The following XRCC4 variants were observed in gnomAD, a reference collection of about 807,000 sequenced individuals.
XRCC4 encodes DNA repair protein XRCC4.
In XRCC4, 28 loss-of-function variants were observed where a neutral mutation model predicts 39.1. The observed-to-expected ratio is 0.72, with a 90% CI of 0.53 to 0.98. The LOEUF (loss-of-function observed/expected upper bound fraction) is 0.98. XRCC4 is among the 50% of genes least tolerant of loss of function. XRCC4 has a pLI of 0.00. For synonymous variants in XRCC4, 123 were observed against 126.4 expected (o/e 0.97, Z 0.18); for missense variants, 350 against 376.4 (o/e 0.93, Z 0.58).
chr5:83,209,872 G>A (rs148998955), intron 6 of XRCC4, among the ~76,000 whole-genome samples: 2 of 152,122 alleles, frequency 1.3e-5, no homozygotes, highest in Non-Finnish European at 2.9e-5. Flanking sequence ...AATATAATAA[G>A]CTTTCCTACC....
chr5:83,281,958 C>T (rs996409351), intron 7 of XRCC4, among the ~76,000 whole-genome samples: 4 of 152,198 alleles, frequency 2.6e-5, no homozygotes, highest in Non-Finnish European at 4.4e-5. Flanking sequence ...ACAAAAAGCT[C>T]ATCCATTAGT....
chr5:83,140,074 T>TA (rs1748093106), intron 3 of XRCC4, among the ~76,000 whole-genome samples: 1 of 152,212 alleles, frequency 6.6e-6, no homozygotes, highest in Non-Finnish European at 1.5e-5. Context: ...TTCTCAGTCC[T>TA]AGTATGCATG....
At chr5:83,172,741 A>G (rs1399106492) in intron 3 of XRCC4, among the ~76,000 whole-genome samples, 2 of 152,188 alleles carry the variant, frequency 1.3e-5, no homozygotes, top group East Asian at 1.9e-4. Context: ...AGAGGAAATC[A>G]TTTAATTCAA....
At chr5:83,303,749 A>G (rs1465416298) in intron 7 of XRCC4, among the ~76,000 whole-genome samples, 2 of 152,204 alleles carry the variant, frequency 1.3e-5, no homozygotes, top group African/African-American at 4.8e-5. Flanking sequence ...TATTTAGGTA[A>G]TGTTATATGG....
At chr5:83,344,770 A>T (rs1165842670) in intron 7 of XRCC4, among the ~76,000 whole-genome samples, 1 of 152,176 alleles carries the variant, frequency 6.6e-6, no homozygotes, top group Non-Finnish European at 1.5e-5. Flanking sequence ...GAATGTACCT[A>T]TGAGTAGAAT....
intron 3 of XRCC4, among the ~76,000 whole-genome samples, chr5:83,141,512 A>G (rs1047744709): frequency 1.3e-5 from 2 of 152,158 alleles, no homozygotes; most frequent in Non-Finnish European, 2.9e-5. Flanking sequence ...GATAGGTGAG[A>G]AATTATATCT....
At chr5:83,169,268 G>T (rs1400963294) in intron 3 of XRCC4, among the ~76,000 whole-genome samples, 1 of 151,662 alleles carries the variant, frequency 6.6e-6, no homozygotes, top group South Asian at 2.1e-4. Flanking sequence ...TGAAATTATA[G>T]ATTCTTTTAT....
intron 7 of XRCC4, among the ~76,000 whole-genome samples, chr5:83,332,987 A>G (rs1467780863): frequency 1.3e-5 from 2 of 152,222 alleles, no homozygotes; most frequent in African/African-American, 4.8e-5. Flanking sequence ...TGTGACAATT[A>G]CATACATAAC....
At chr5:83,097,231 A>G (rs183009377) in intron 1 of XRCC4, among the ~76,000 whole-genome samples, 60 of 151,172 alleles carry the variant, frequency 4.0e-4, no homozygotes, top group Admixed American at 9.8e-4. Context: ...AACTGTTACT[A>G]TTATTTGAAC....
At chr5:83,325,472 T>G (rs1756226305) in intron 7 of XRCC4, among the ~76,000 whole-genome samples, 1 of 151,894 alleles carries the variant, frequency 6.6e-6, no homozygotes, top group African/African-American at 2.4e-5. Context: ...CCAACACCCC[T>G]CAACAGGCCC....
intron 3 of XRCC4, among the ~76,000 whole-genome samples, chr5:83,136,722 C>T (rs1158651277): frequency 6.6e-6 from 1 of 152,058 alleles, no homozygotes; most frequent in Non-Finnish European, 1.5e-5. Flanking sequence ...AGATTGATTT[C>T]TGAAGCAATA....
chr5:83,221,940 G>A (rs1011307627), intron 6 of XRCC4, among the ~76,000 whole-genome samples: 6 of 151,534 alleles, frequency 4.0e-5, no homozygotes, highest in Non-Finnish European at 7.4e-5. Flanking sequence ...GTTATCTTTC[G>A]TAATGCTTCT....
intron 6 of XRCC4, among the ~76,000 whole-genome samples, chr5:83,206,833 G>A (rs1751441302): frequency 6.6e-6 from 1 of 151,986 alleles, no homozygotes; most frequent in African/African-American, 2.4e-5. Context: ...GATTAGTTTA[G>A]CCAGGAGCAT....
At chr5:83,205,968 G>A (rs749425414) in intron 6 of XRCC4, among the ~76,000 whole-genome samples, 4 of 152,052 alleles carry the variant, frequency 2.6e-5, no homozygotes, top group East Asian at 1.9e-4. Context: ...TTCCTGACGC[G>A]TTTAAGCAAT....
chr5:83,355,841 T>C (rs1757184062), downstream of XRCC4, among the ~76,000 whole-genome samples: 1 of 152,200 alleles, frequency 6.6e-6, no homozygotes, highest in Admixed American at 6.5e-5. Context: ...TTTGGCCATG[T>C]TGGCCAGGCT....
At chr5:83,146,390 T>C (rs1398091910) in intron 3 of XRCC4, among the ~76,000 whole-genome samples, 1 of 152,214 alleles carries the variant, frequency 6.6e-6, no homozygotes, top group African/African-American at 2.4e-5. Context: ...ATGGACAGTT[T>C]GTATGATCTC....
intron 2 of XRCC4, among the ~76,000 whole-genome samples, chr5:83,110,466 G>C (rs898709217): frequency 2.0e-5 from 3 of 151,980 alleles, no homozygotes; most frequent in Non-Finnish European, 4.4e-5. Context: ...GCGGTCTCTA[G>C]TATAGTATGT....
chr5:83,111,147 A>T lies in XRCC4; in HGVS notation c.259A>T (p.Asn87Tyr), dbSNP rs149355996. 64 of 1,604,432 alleles carry T rather than the reference A, an allele frequency of 4.0e-5. No homozygotes were observed. Among genetic ancestry groups the T allele is most frequent in the Non-Finnish European group, 5.4e-5 (63 of 1,176,750 alleles). ...GAGPADVYTF[N>Y]FSKESCYFFF... ...AGGACCAGCTGATGTATACACGTTT[A>T]ATTTTTCTAAAGAGTCTTGTTATTT... Residue 87 changes from asparagine (N) to tyrosine (Y), a missense_variant, in exon 3 of 8, where the codon AAT becomes TAT. By Grantham distance (143) the Asn-to-Tyr change is moderately radical (BLOSUM62 -2). Transcript: ENST00000396027.
At chr5:83,275,455 C>CG (rs1754295230) in intron 7 of XRCC4, among the ~76,000 whole-genome samples, 1 of 151,730 alleles carries the variant, frequency 6.6e-6, no homozygotes, top group Non-Finnish European at 1.5e-5. Flanking sequence ...CCACTACGCC[C>CG]GGCTAATTTT....
Sources: gnomAD v4.1 joint callset for allele counts (sites outside exome capture counted in the v4.1 genomes callset) on GRCh38, gnomAD v4.1.1 for gene constraint, MANE v1.5 for transcripts, NCBI Gene and HGNC (gene_info 2026-07-23, HGNC 2026-07-21) for gene names.